The following NRG1 variants were observed in gnomAD, a reference collection of about 807,000 sequenced individuals.
NRG1 encodes the protein neuregulin 1.
A neutral mutation model predicts 63.8 loss-of-function variants in NRG1; 18 were observed. That is an observed-to-expected ratio of 0.28 (90% CI 0.19 to 0.42). NRG1 has a LOEUF of 0.42. NRG1 is among the 10% of genes least tolerant of loss of function. NRG1 has a pLI of 1.00. For missense variants in NRG1, 762 were observed against 814.7 expected, an observed-to-expected ratio of 0.94 and a Z score of 0.79; for synonymous variants, 302 against 301.3, an observed-to-expected ratio of 1.00 and a Z score of -0.02.
chr8:32,440,130 G>T (rs1473997307), intron 1 of NRG1, among the ~76,000 whole-genome samples: 1 of 151,958 alleles, frequency 6.6e-6, no homozygotes, highest in Non-Finnish European at 1.5e-5. Context: ...AGTGAGAGGG[G>T]AACTGTCACA....
chr8:32,216,195 A>G (rs1036633904), intron 1 of NRG1, among the ~76,000 whole-genome samples: 4 of 150,216 alleles, frequency 2.7e-5, no homozygotes, highest in South Asian at 2.1e-4. Flanking sequence ...TTATTGTGTT[A>G]TTATAACATA....
intron 1 of NRG1, among the ~76,000 whole-genome samples, chr8:32,236,961 T>G (rs945596338): frequency 6.6e-6 from 1 of 152,062 alleles, no homozygotes; most frequent in South Asian, 2.1e-4. Context: ...ATAACAGAGA[T>G]GTACCGCGAA....
intron 5 of NRG1, among the ~76,000 whole-genome samples, chr8:32,662,787 C>T (rs759867769): frequency 2.0e-5 from 3 of 152,110 alleles, no homozygotes; most frequent in Non-Finnish European, 2.9e-5. Flanking sequence ...TGAAAGGATA[C>T]GGTTATCACC....
intron 5 of NRG1, among the ~76,000 whole-genome samples, chr8:32,648,677 C>T (rs923377466): frequency 2.0e-5 from 3 of 152,158 alleles, no homozygotes; most frequent in Admixed American, 6.5e-5. Context: ...AAGTTAAATT[C>T]AATTTATTTC....
Position 32,016,282 on chromosome 8 carries a change from C to T in NRG1, c.37+376851C>T, listed in dbSNP as rs559813839. ...CTTGCTATGTTGCCCAGGCTGTTCT[C>T]GAATTCCTCACCTCAAGCAACCCTC... On this transcript the variant is annotated intron_variant, in intron 1 of 10. Coordinates refer to the NRG1 transcript ENST00000519301. 6.4e-4 allele frequency among the ~76,000 whole-genome samples: 97 copies of T among 152,100 alleles called. 3 individuals carry two copies. The highest frequency in any genetic ancestry group is 6.8e-3 in the Middle Eastern group (2 of 294).
intron 1 of NRG1, among the ~76,000 whole-genome samples, chr8:32,587,555 C>G (rs922941261): frequency 6.6e-6 from 1 of 152,144 alleles, no homozygotes; most frequent in African/African-American, 2.4e-5. Flanking sequence ...GTCACAGGGC[C>G]TCACGATTCC....
At chr8:32,262,488 A>C (rs965058554) in intron 1 of NRG1, among the ~76,000 whole-genome samples, 1 of 152,120 alleles carries the variant, frequency 6.6e-6, no homozygotes, top group African/African-American at 2.4e-5. Flanking sequence ...AACTATAAAC[A>C]CTCAACCGCA....
At chr8:31,942,914 G>C (rs1035023731) in intron 1 of NRG1, among the ~76,000 whole-genome samples, 1 of 149,304 alleles carries the variant, frequency 6.7e-6, no homozygotes, top group Non-Finnish European at 1.5e-5. Context: ...TGTTGGCGTG[G>C]ATGCAATGAA....
intron 1 of NRG1, among the ~76,000 whole-genome samples, chr8:31,869,294 G>T (rs1449740284): frequency 2.6e-5 from 4 of 152,086 alleles, no homozygotes; most frequent in African/African-American, 9.7e-5. Flanking sequence ...GGAGAATGTT[G>T]TTCCTACTTA....
intron 1 of NRG1, among the ~76,000 whole-genome samples, chr8:31,787,580 A>AT (rs1477371408): frequency 6.6e-6 from 1 of 152,206 alleles, no homozygotes; most frequent in African/African-American, 2.4e-5. Flanking sequence ...TCATCCATGG[A>AT]TATAGGATGG....
chr8:32,568,367 T>G (rs1837871323), intron 1 of NRG1, among the ~76,000 whole-genome samples: 1 of 152,208 alleles, frequency 6.6e-6, no homozygotes, highest in African/African-American at 2.4e-5. Flanking sequence ...TTTGCTTTGG[T>G]TTTTCCACTA....
intron 1 of NRG1, among the ~76,000 whole-genome samples, chr8:31,719,523 G>C (rs537463838): frequency 1.2e-3 from 182 of 152,290 alleles, no homozygotes; most frequent in African/African-American, 4.0e-3. Context: ...AGGGGTAGAA[G>C]AGAATGGAGC....
In NRG1 at chr8:32,463,874, C is replaced by CTTTTTTTTTT. The variant is rs756489856; in HGVS notation, c.38-131924_38-131915dup. Among the ~76,000 whole-genome samples, 129 of 42,352 alleles carry CTTTTTTTTTT rather than the reference C, an allele frequency of 3.0e-3. 21 individuals are homozygous for CTTTTTTTTTT. Among genetic ancestry groups the CTTTTTTTTTT allele is most frequent in the East Asian group, 0.013 (11 of 840 alleles). 27.8% of individuals were successfully genotyped at this position (42,352 alleles called of 152,430 possible). A position where few individuals can be genotyped will look rare whatever the true frequency, so the allele number is the denominator to read the frequency against. The stretch of plus-strand genomic sequence containing the variant: ...ACACACACGAAAAAAACTTAGAATT[C>CTTTTTTTTTT]TTTTTTTTTTTTTTTTTTTTTTTTT... On this transcript the variant is annotated intron_variant, in intron 1 of 10. Coordinates refer to the NRG1 transcript ENST00000519301.
intron 1 of NRG1, among the ~76,000 whole-genome samples, chr8:32,304,962 C>A (rs1049960085): frequency 6.6e-6 from 1 of 152,004 alleles, no homozygotes; most frequent in African/African-American, 2.4e-5. Context: ...TTACAGTGAG[C>A]CAAGAACATG....
chr8:32,184,618 A>AG (rs1841786426), intron 1 of NRG1, among the ~76,000 whole-genome samples: 1 of 152,078 alleles, frequency 6.6e-6, no homozygotes, highest in African/African-American at 2.4e-5. Context: ...AAATAAGGAA[A>AG]GCATCTGGTG....
intron 1 of NRG1, among the ~76,000 whole-genome samples, chr8:32,423,562 T>C (rs1816962198): frequency 6.6e-6 from 1 of 152,046 alleles, no homozygotes; most frequent in Admixed American, 6.6e-5. Context: ...GGAGGATTGC[T>C]TGAGCCCCAG....
intron 6 of NRG1, among the ~76,000 whole-genome samples, chr8:32,729,992 A>C (rs1251781375): frequency 6.7e-6 from 1 of 150,198 alleles, no homozygotes; most frequent in Non-Finnish European, 1.5e-5. Context: ...AAAGACAGAC[A>C]ATTTGTAAAA....
chr8:31,881,363 T>C (rs557161782), intron 1 of NRG1, among the ~76,000 whole-genome samples: 5 of 152,290 alleles, frequency 3.3e-5, no homozygotes, highest in Middle Eastern at 3.4e-3. Context: ...CCCATGTAGG[T>C]TGCAAACTTA....
intron 1 of NRG1, among the ~76,000 whole-genome samples, chr8:32,360,426 T>C (rs1807055313): frequency 6.6e-6 from 1 of 152,192 alleles, no homozygotes; most frequent in Non-Finnish European, 1.5e-5. Flanking sequence ...AAAATCATTC[T>C]CAGATGTAGA....
Sources: gnomAD v4.1 joint callset for allele counts (sites outside exome capture counted in the v4.1 genomes callset) on GRCh38, gnomAD v4.1.1 for gene constraint, MANE v1.5 for transcripts, NCBI Gene and HGNC (gene_info 2026-07-23, HGNC 2026-07-21) for gene names.